Variants in MINAR2 observed in about 807,000 individuals in gnomAD.
MINAR2 encodes membrane integral NOTCH2 associated receptor 2.
MINAR2 carries 21 observed loss-of-function variants against 16.1 expected under a neutral mutation model. The observed-to-expected ratio is 1.31, with a 90% CI of 0.93 to 1.88. MINAR2 has a LOEUF of 1.88. MINAR2 is among the 40% of genes most tolerant of loss of function. The pLI is 0.00. For synonymous variants in MINAR2, 86 were observed against 83.0 expected (o/e 1.04, Z -0.20); for missense variants, 259 against 229.8 (o/e 1.13, Z -0.82).
chr5:129,754,530 G>A (rs1026874590), intron 1 of MINAR2, among the ~76,000 whole-genome samples: 5 of 152,146 alleles, frequency 3.3e-5, no homozygotes, highest in African/African-American at 1.2e-4. Context: ...CTCAATCCAT[G>A]ACCATGATGT....
chr5:129,756,999 C>A (rs1758063816), intron 1 of MINAR2, among the ~76,000 whole-genome samples: 2 of 139,732 alleles, frequency 1.4e-5, no homozygotes, highest in African/African-American at 2.7e-5. Flanking sequence ...CACATATATA[C>A]ACATATGTGT....
At chr5:129,751,166 C>T (rs948744024) in intron 1 of MINAR2, among the ~76,000 whole-genome samples, 2 of 152,104 alleles carry the variant, frequency 1.3e-5, no homozygotes, top group African/African-American at 4.8e-5. Flanking sequence ...AGAGGAAACT[C>T]TCCTGGTCAT....
intron 2 of MINAR2, 127 bp from the exon 3 acceptor site, chr5:129,764,757 C>A (rs1758186740): frequency 1.5e-5 from 7 of 460,174 alleles, no homozygotes; most frequent in Admixed American, 8.8e-5. Flanking sequence ...GACATTGAAG[C>A]CTTGCCCAGG....
Position 129,765,156 on chromosome 5 carries a change from A to C in MINAR2, c.*93A>C. ...CCCCACCAAAATAACAAAAAAACAC[A>C]TGTACATGCAGTGTGAATGGATTGT... is the stretch of plus-strand genomic sequence containing the variant. On this transcript the variant is annotated 3_prime_UTR_variant, in exon 3 of 3. Coordinates refer to ENST00000564719, the MANE Select transcript of MINAR2 (RefSeq NM_001257308.2). 6.2e-6 allele frequency: 4 copies of C among 645,960 alleles called. No homozygotes were observed. Among genetic ancestry groups the C allele is most frequent in the Non-Finnish European group, 9.0e-6 (4 of 443,598 alleles). The allele number at this position is 645,960 out of a possible 1,614,324, so 40.0% of individuals were successfully genotyped here.
rs116172832 is a variant in MINAR2 at position 129,762,766 on chromosome 5, A to C, written c.394-2118A>C. 1,759 of 196,704 alleles carry C rather than the reference A, an allele frequency of 8.9e-3. 32 individuals carry two copies. The highest frequency in any genetic ancestry group is 0.039 in the African/African-American group (1,622 of 41,896). The allele number at this position is 196,704 out of a possible 1,614,324, so 12.2% of individuals were successfully genotyped here. A position where few individuals can be genotyped will look rare whatever the true frequency, so the allele number is the denominator to read the frequency against. On this transcript the variant is annotated intron_variant, in intron 2 of 2. Coordinates refer to ENST00000564719, the MANE Select transcript of MINAR2 (RefSeq NM_001257308.2). ...AAAAAATAAAGAAGAAAAATAAAGA[A>C]GACAAAGTGCCTGTAGGATAGGAAG... is the stretch of plus-strand genomic sequence containing the variant.
chr5:129,764,684 C>G (rs1758185057), intron 2 of MINAR2, among the ~76,000 whole-genome samples, 200 bp from the exon 3 acceptor site: 1 of 152,110 alleles, frequency 6.6e-6, no homozygotes, highest in Non-Finnish European at 1.5e-5. Flanking sequence ...CCTTGTCAGC[C>G]AGGAGACTGT....
chr5:129,753,430 C>G (rs1349862634), intron 1 of MINAR2, among the ~76,000 whole-genome samples: 1 of 137,562 alleles, frequency 7.3e-6, no homozygotes, highest in East Asian at 2.2e-4. Context: ...TTGCAGTTAG[C>G]TAAGATCGTG....
At chr5:129,760,849 G>A (rs932372324) in intron 2 of MINAR2, among the ~76,000 whole-genome samples, 2 of 152,080 alleles carry the variant, frequency 1.3e-5, no homozygotes, top group Non-Finnish European at 2.9e-5. Flanking sequence ...AAAGCCATGT[G>A]GTACAGAACA....
At chr5:129,764,243 G>A (rs189839161) in intron 2 of MINAR2, among the ~76,000 whole-genome samples, 142 of 152,226 alleles carry the variant, frequency 9.3e-4, no homozygotes, top group Admixed American at 1.4e-3. Context: ...GCTGATGTGG[G>A]GAAGAATATA....
At chr5:129,755,910 T>C (rs1412561232) in intron 1 of MINAR2, among the ~76,000 whole-genome samples, 1 of 152,094 alleles carries the variant, frequency 6.6e-6, no homozygotes, top group Non-Finnish European at 1.5e-5. Context: ...GCTTAATACC[T>C]TATTAATTTT....
In MINAR2 at chr5:129,748,363, C is replaced by T. The variant is rs535176789; in HGVS notation, c.165+8C>T. 1.2e-3 allele frequency: 1,867 copies of T among 1,530,976 alleles called. 17 individuals are homozygous for T. Among genetic ancestry groups the T allele is most frequent in the South Asian group, 4.1e-3 (342 of 83,256 alleles). 94.8% of individuals were successfully genotyped at this position (1,530,976 alleles called of 1,614,324 possible). On this transcript the variant is annotated splice_region_variant and intron_variant, in intron 1 of 2. Transcript: ENST00000564719. ...AACCTTGTCTACTCACAGGTAAGAT[C>T]TAGGGGCACAAAAATACGGGGATGG...
intron 1 of MINAR2, among the ~76,000 whole-genome samples, chr5:129,753,024 A>C (rs72792864): frequency 0.1 from 15,416 of 151,708 alleles, 958 homozygotes; most frequent in South Asian, 0.18. Flanking sequence ...ACCTTTCTGC[A>C]CTCTTTTTCA....
At position 129,748,130 on chromosome 5, in the gene MINAR2, G is replaced by A. The variant is rs1757938594; in HGVS notation, c.-61G>A. 3 of 1,450,572 alleles carry A rather than the reference G, an allele frequency of 2.1e-6. No individual in the cohort carries two copies. The highest frequency in any genetic ancestry group is 2.5e-5 in the East Asian group (1 of 40,344). 89.9% of individuals were successfully genotyped at this position (1,450,572 alleles called of 1,614,324 possible). On this transcript the variant is annotated 5_prime_UTR_variant, in exon 1 of 3. It removes an upstream start codon present in the reference 5' UTR. Transcript: ENST00000564719. Reference sequence around the variant, plus strand: ...GAGCATCCTCAGGCACATTAATAATGGAGGAGTCTGACAAGAGCAGCTTTG... The same window carrying A: ...GAGCATCCTCAGGCACATTAATAATAGAGGAGTCTGACAAGAGCAGCTTTG...
intron 1 of MINAR2, 124 bp downstream of exon 1, chr5:129,748,479 C>A: frequency 1.1e-6 from 1 of 922,282 alleles, no homozygotes; most frequent in Non-Finnish European, 1.5e-6. Context: ...CTCTGTCTTC[C>A]AACTTAGTCT....
At chr5:129,757,973 T>C (rs1259952758) in intron 1 of MINAR2, among the ~76,000 whole-genome samples, 1 of 151,950 alleles carries the variant, frequency 6.6e-6, no homozygotes, top group African/African-American at 2.4e-5. Flanking sequence ...CAATAAACTA[T>C]GAATTTTGTA....
chr5:129,748,579 G>C (rs1306246678), intron 1 of MINAR2, among the ~76,000 whole-genome samples: 1 of 152,050 alleles, frequency 6.6e-6, no homozygotes, highest in African/African-American at 2.4e-5. Flanking sequence ...CCTAGCATTA[G>C]CTTCTCTGCC....
chr5:129,756,091 GTTTTA>G (rs995997918), intron 1 of MINAR2, among the ~76,000 whole-genome samples: 5 of 151,840 alleles, frequency 3.3e-5, no homozygotes, highest in African/African-American at 1.2e-4. Flanking sequence ...TCAGCAGAAT[GTTTTA>G]TTTTATGTTG....
chr5:129,750,222 T>G (rs1013431066), intron 1 of MINAR2, among the ~76,000 whole-genome samples: 4 of 152,186 alleles, frequency 2.6e-5, no homozygotes, highest in African/African-American at 9.7e-5. Context: ...AATCCATGAT[T>G]GATATATTCA....
At chr5:129,758,175 T>A (rs1200165734) in intron 1 of MINAR2, among the ~76,000 whole-genome samples, 1 of 151,988 alleles carries the variant, frequency 6.6e-6, no homozygotes, top group Non-Finnish European at 1.5e-5. Context: ...AGGTAATTTA[T>A]TTTAGTGCCC....
Sources: allele counts gnomAD v4.1 joint callset (sites outside exome capture counted in the v4.1 genomes callset), GRCh38; gene constraint gnomAD v4.1.1; transcripts MANE v1.5; gene names NCBI Gene and HGNC (gene_info 2026-07-23, HGNC 2026-07-21).